The following PRPF19 variants were observed in gnomAD, a reference collection of about 807,000 sequenced individuals.
The protein encoded by PRPF19 is pre-mRNA processing factor 19.
In PRPF19, 2 loss-of-function variants were observed where a neutral mutation model predicts 64.2. The observed-to-expected ratio is 0.03, with a 90% CI of 0.01 to 0.10. The LOEUF (loss-of-function observed/expected upper bound fraction) is 0.10, where lower values mean the gene tolerates loss of function less well. PRPF19 is among the 10% of genes least tolerant of loss of function. PRPF19 has a pLI of 1.00. For synonymous variants in PRPF19, 226 were observed against 251.6 expected (o/e 0.90, Z 0.96); for missense variants, 314 against 650.0 (o/e 0.48, Z 5.62).
At chr11:60,906,272 C>T in intron 1 of PRPF19, 92 bp downstream of exon 1, 1 of 1,484,396 alleles carries the variant, frequency 6.7e-7, no homozygotes. Flanking sequence ...TTCCCGCCTC[C>T]ACCCCGGCCC....
In PRPF19 at chr11:60,906,535, G is replaced by T; in HGVS notation, c.-153C>A. On this transcript the variant is annotated 5_prime_UTR_variant, in exon 1 of 16. Coordinates refer to ENST00000227524, the MANE Select transcript of PRPF19 (RefSeq NM_014502.5). ...GAGCGATGCTAGCGTAGCGCTTCAC[G>T]TGGGAATGGGGACAGCCGCGCGCCA... The T allele has an allele frequency of 1.3e-6, 1 of 783,144 alleles. No individual in the cohort carries two copies. Among genetic ancestry groups the T allele is most frequent in the Non-Finnish European group, 2.0e-6 (1 of 504,212 alleles). 48.5% of individuals were successfully genotyped at this position (783,144 alleles called of 1,614,324 possible).
intron 15 of PRPF19, among the ~76,000 whole-genome samples, chr11:60,896,732 G>A (rs543576126): frequency 2.6e-5 from 4 of 152,150 alleles, no homozygotes; most frequent in Non-Finnish European, 4.4e-5. Context: ...GTGTGAGAAC[G>A]GACTAATACA....
Position 60,906,348 on chromosome 11 carries a change from C to T in PRPF19, c.19+16G>A. The T allele has an allele frequency of 1.3e-6, 2 of 1,598,488 alleles. No individual in the cohort carries two copies. Among genetic ancestry groups the T allele is most frequent in the South Asian group, 1.1e-5 (1 of 89,026 alleles). ...TGGCCTCCTGAGACCCGCGCTTGGC[C>T]GCAGCCAACACTCACTGGAGCAGAT... On this transcript the variant is annotated intron_variant, in intron 1 of 15. Coordinates refer to ENST00000227524, the MANE Select transcript of PRPF19 (RefSeq NM_014502.5).
At chr11:60,899,529 C>T (rs1590606997) in intron 10 of PRPF19, among the ~76,000 whole-genome samples, 2 of 152,306 alleles carry the variant, frequency 1.3e-5, no homozygotes, top group South Asian at 2.1e-4. Context: ...GAGGCGTCCT[C>T]GCCATCTAGT....
At chr11:60,903,023 C>T (rs910154173) in intron 3 of PRPF19, 142 bp from the exon 4 acceptor site, 41 of 1,383,018 alleles carry the variant, frequency 3.0e-5, no homozygotes, top group South Asian at 8.4e-5. Context: ...CGAGCAAACA[C>T]GAATGTGCCG....
intron 1 of PRPF19, 89 bp downstream of exon 1, chr11:60,906,275 C>T: frequency 6.7e-7 from 1 of 1,497,138 alleles, no homozygotes; most frequent in Non-Finnish European, 8.9e-7. Flanking sequence ...CCGCCTCCAC[C>T]CCGGCCCGGG....
In PRPF19 at chr11:60,906,422, C is replaced by T. The variant is rs940992876; in HGVS notation, c.-40G>A. The T allele has an allele frequency of 4.9e-5, 75 of 1,540,534 alleles. No individual in the cohort carries two copies. The highest frequency in any genetic ancestry group is 6.5e-5 in the Non-Finnish European group (74 of 1,144,652). On this transcript the variant is annotated 5_prime_UTR_variant, in exon 1 of 16. Transcript: ENST00000227524. ...GCTCCGAGGCGCCACACGCCGGGCT[C>T]CGGGACTAGCTTCTGAGCCTCCGCG...
In PRPF19 at chr11:60,903,708, G is replaced by A. The variant is rs1590609107; in HGVS notation, c.169+4C>T. 1 of 1,589,250 alleles carries A rather than the reference G, an allele frequency of 6.3e-7. No individual in the cohort carries two copies. The highest frequency in any genetic ancestry group is 1.7e-4 in the Middle Eastern group (1 of 5,824). On this transcript the variant is annotated splice_donor_region_variant and intron_variant, in intron 2 of 15. Transcript: ENST00000227524. ...GGCCCTAGACTAAGGCAGCCAATAG[G>A]CACCTTTGATGTCGATGAGCTGCTC...
intron 1 of PRPF19, 60 bp downstream of exon 1, chr11:60,906,304 A>G: frequency 6.5e-7 from 1 of 1,548,772 alleles, no homozygotes. Flanking sequence ...CGGACCGCAC[A>G]CGCTCCCGCG....
Position 60,906,212 on chromosome 11 carries a change from G to T in PRPF19, c.19+152C>A, listed in dbSNP as rs552051980. Reference sequence around the variant, plus strand: ...TGCGCAAATGCACCCCGCTCCGACGGGGGGGGCTCCGGTGCTGACAGGCCG... The same window carrying T: ...TGCGCAAATGCACCCCGCTCCGACGTGGGGGGCTCCGGTGCTGACAGGCCG... On this transcript the variant is annotated intron_variant, in intron 1 of 15. Transcript: ENST00000227524. 3.6e-5 allele frequency: 45 copies of T among 1,264,594 alleles called. No individual in the cohort carries two copies. The South Asian group carries it at 3.7e-4, about 10-fold the overall frequency. The allele number at this position is 1,264,594 out of a possible 1,614,324, so 78.3% of individuals were successfully genotyped here.
Position 60,903,489 on chromosome 11 carries a change from C to T in PRPF19, c.216G>A (p.Pro72=), listed in dbSNP as rs774634222. 9.9e-6 allele frequency: 16 copies of T among 1,613,794 alleles called. No individual in the cohort carries two copies. The highest frequency in any genetic ancestry group is 2.7e-5 in the African/African-American group (2 of 74,904). Residue 72 remains proline (P), a synonymous_variant, in exon 3 of 16, where the codon CCG becomes CCA. Transcript: ENST00000227524. ...CATCCTGCAAAGCTTTCAGAATGGC[C>T]GGGATGCTGGTGGCTGAGGGAGGCT... ...RPKPPSATSI[P]AILKALQDEW...
chr11:60,902,258 C>T lies in PRPF19; in HGVS notation c.525+145G>A. On this transcript the variant is annotated intron_variant, in intron 6 of 15. Coordinates refer to ENST00000227524, the MANE Select transcript of PRPF19 (RefSeq NM_014502.5). The surrounding 1 kb of genome is among the most constrained non-coding windows in gnomAD (Gnocchi z 5.0). ...GCTTACAAGTAGTGGCATCAAAATA[C>T]AAACCCAGGCAATCTGGTCCCAGGG... 2 of 898,932 alleles carry T rather than the reference C, an allele frequency of 2.2e-6. No individual in the cohort carries two copies. Among genetic ancestry groups the T allele is most frequent in the South Asian group, 1.7e-5 (1 of 59,418 alleles). The allele number at this position is 898,932 out of a possible 1,614,324, so 55.7% of individuals were successfully genotyped here. A position where few individuals can be genotyped will look rare whatever the true frequency, so the allele number is the denominator to read the frequency against.
chr11:60,902,952 G>C lies in PRPF19; in HGVS notation c.247-71C>G. The C allele has an allele frequency of 6.4e-7, 1 of 1,565,702 alleles. No homozygotes were observed. The highest frequency in any genetic ancestry group is 8.6e-7 in the Non-Finnish European group (1 of 1,159,302). On this transcript the variant is annotated intron_variant, in intron 3 of 15. Transcript: ENST00000227524. This position sits in a 1 kb window ranked among gnomAD's most constrained non-coding sequence, Gnocchi z 5.0. ...GAGTACCCAGTGGAGTCAGCCCTTG[G>C]GGAGGGGATGCTGCCTCCTATCCCA...
rs372158363 is a variant in PRPF19, at chr11:60,898,900, C to T, written c.1016G>A (p.Arg339His). The T allele has an allele frequency of 4.4e-6, 7 of 1,604,678 alleles. No homozygotes were observed. Among genetic ancestry groups the T allele is most frequent in the Admixed American group, 1.7e-5 (1 of 58,714 alleles). The part of the protein sequence containing the change: ...YWAFSDIQTG[R>H]VLTKVTDETS... ...CTCATCTGTCACCTTGGTGAGCACA[C>T]GCCCTGTCTGGATGTCAGAGAAAGC... is the stretch of plus-strand genomic sequence containing the variant. Residue 339 changes from arginine (R) to histidine (H), a missense_variant, in exon 12 of 16, where the codon CGT (arginine) becomes CAT (histidine). Coordinates refer to ENST00000227524, the MANE Select transcript of PRPF19 (RefSeq NM_014502.5). The surrounding 1 kb of genome is among the most constrained non-coding windows in gnomAD (Gnocchi z 4.6).
chr11:60,899,136 G>A lies in PRPF19; in HGVS notation c.984+13C>T. 1 of 1,608,262 alleles carries A rather than the reference G, an allele frequency of 6.2e-7. No homozygotes were observed. Among genetic ancestry groups the A allele is most frequent in the Non-Finnish European group, 8.5e-7 (1 of 1,177,294 alleles). On this transcript the variant is annotated intron_variant, in intron 11 of 15. Transcript: ENST00000227524. ...ACCAGCAGGCCTCTCCAGGGCACTG[G>A]CTGGGACCGCACCTGATCATCGGAG...
At chr11:60,900,474 CAG>C in intron 10 of PRPF19, 106 bp downstream of exon 10, 3 of 904,404 alleles carry the variant, frequency 3.3e-6, no homozygotes, top group Middle Eastern at 6.9e-4. Context: ...ACTCAGGAGT[CAG>C]AGTCAGAGCT....
chr11:60,903,944 A>C, intron 1 of PRPF19, 83 bp from the exon 2 acceptor site: 1 of 1,502,860 alleles, frequency 6.7e-7, no homozygotes, highest in Non-Finnish European at 9.0e-7. Context: ...TAGCCCCAAC[A>C]AGACTAGGCA....
chr11:60,897,827 G>T lies in PRPF19; in HGVS notation c.1417+19C>A, dbSNP rs778332199. On this transcript the variant is annotated intron_variant, in intron 15 of 15. Coordinates refer to ENST00000227524, the MANE Select transcript of PRPF19 (RefSeq NM_014502.5). The stretch of plus-strand genomic sequence containing the variant: ...CTGGGCACCTAGAGAGATCCCAGGA[G>T]CCCAGGACCAGCCTCTACCTGTAAA... 1 of 1,606,266 alleles carries T rather than the reference G, an allele frequency of 6.2e-7. No homozygotes were observed. The highest frequency in any genetic ancestry group is 1.1e-5 in the South Asian group (1 of 90,810).
intron 3 of PRPF19, 90 bp downstream of exon 3, chr11:60,903,369 T>G: frequency 7.5e-7 from 1 of 1,335,018 alleles, no homozygotes; most frequent in Non-Finnish European, 1.0e-6. Flanking sequence ...ACCCTCTAAA[T>G]AATGCTCCAT....
Sources: gnomAD v4.1 joint callset for allele counts (sites outside exome capture counted in the v4.1 genomes callset) on GRCh38, gnomAD v4.1.1 for gene constraint, Gnocchi (gnomAD v3.1) non-coding constraint, MANE v1.5 for transcripts, NCBI Gene and HGNC (gene_info 2026-07-23, HGNC 2026-07-21) for gene names.